BEND6: variants seen among roughly 807,000 people sequenced by gnomAD.
BEND6 encodes the protein BEN domain containing 6.
BEND6 carries 24 observed loss-of-function variants against 31.8 expected under a neutral mutation model. The ratio of observed to expected loss-of-function variants is 0.75; its 90% confidence interval spans 0.55 to 1.06. The LOEUF is 1.06. Among genes scored for constraint, BEND6 ranks in the 50% least tolerant of loss-of-function variants. The pLI is 0.00. For missense variants in BEND6, 294 were observed against 327.4 expected (o/e 0.90, Z 0.79); for synonymous variants, 109 against 114.6 (o/e 0.95, Z 0.31).
chr6:57,015,188 G>A lies in BEND6; in HGVS notation c.354G>A (p.Leu118=), dbSNP rs372231731. The change falls in exon 4 of 7, where the codon CTG becomes CTA. Residue 118 remains leucine (L), a synonymous_variant. Coordinates refer to ENST00000370746, the MANE Select transcript of BEND6 (RefSeq NM_152731.3). ...FEELVGMAEA[L]LKGGGTMSTS... ...AATTGGTTGGTATGGCCGAGGCTCT[G>A]CTTAAGGGTGGGGGAACCATGTCTA... The A allele has an allele frequency of 3.7e-6, 6 of 1,614,190 alleles. No homozygotes were observed. In the South Asian group the frequency reaches 6.6e-5, roughly 18 times the overall value.
intron 3 of BEND6, among the ~76,000 whole-genome samples, chr6:56,996,955 T>G (rs1826739429): frequency 6.6e-6 from 1 of 152,204 alleles, no homozygotes; most frequent in African/African-American, 2.4e-5. Flanking sequence ...GTTAATCAGT[T>G]CCTGTCCTCC....
intron 3 of BEND6, among the ~76,000 whole-genome samples, chr6:57,001,276 A>C (rs1357028662): frequency 1.3e-5 from 2 of 149,582 alleles, no homozygotes; most frequent in Admixed American, 6.7e-5. Context: ...TGATCCTTCC[A>C]CCTCACTCTC....
chr6:56,984,317 A>G (rs1332674202), intron 2 of BEND6, among the ~76,000 whole-genome samples: 2 of 152,170 alleles, frequency 1.3e-5, no homozygotes, highest in Non-Finnish European at 2.9e-5. Context: ...CTTGTAAGTT[A>G]TATGTTTATT....
intron 3 of BEND6, chr6:57,004,513 T>A (rs558997078): frequency 4.2e-6 from 3 of 712,978 alleles, no homozygotes; most frequent in East Asian, 2.7e-5. Context: ...TCCAGCTCCG[T>A]GTAGCCACCG....
chr6:56,961,524 A>G (rs1395646316), intron 1 of BEND6, among the ~76,000 whole-genome samples: 2 of 152,196 alleles, frequency 1.3e-5, no homozygotes, highest in East Asian at 1.9e-4. Context: ...TGTTATGGAA[A>G]GAAGGGATAA....
At chr6:56,987,922 A>G (rs921496851) in intron 2 of BEND6, among the ~76,000 whole-genome samples, 17 of 152,070 alleles carry the variant, frequency 1.1e-4, no homozygotes, top group African/African-American at 1.7e-4. Flanking sequence ...GTTACAACTT[A>G]TAAGCATATG....
chr6:56,993,691 C>A (rs190138623), intron 3 of BEND6, among the ~76,000 whole-genome samples: 16 of 152,274 alleles, frequency 1.1e-4, no homozygotes, highest in Non-Finnish European at 1.6e-4. Flanking sequence ...TTCTTCACTT[C>A]ATTTTTTTAT....
intron 6 of BEND6, among the ~76,000 whole-genome samples, chr6:57,024,203 A>G (rs569150445): frequency 4.7e-4 from 72 of 152,244 alleles, no homozygotes; most frequent in Non-Finnish European, 8.8e-5. Flanking sequence ...GTTTTGATAC[A>G]TTTGTCTTTT....
intron 1 of BEND6, among the ~76,000 whole-genome samples, chr6:56,961,480 G>C (rs964003884): frequency 4.6e-5 from 7 of 152,170 alleles, no homozygotes; most frequent in African/African-American, 1.2e-4. Flanking sequence ...AGAAAAGACT[G>C]TGTTAACAAT....
At chr6:56,965,088 C>T (rs1825421652) in intron 1 of BEND6, among the ~76,000 whole-genome samples, 1 of 152,162 alleles carries the variant, frequency 6.6e-6, no homozygotes, top group Non-Finnish European at 1.5e-5. Flanking sequence ...TTATTGATAG[C>T]ACTTTCACTC....
In BEND6 at chr6:56,995,055, A is replaced by G. The variant is rs1826653424; in HGVS notation, c.298+2500A>G. Among the ~76,000 whole-genome samples, 3 of 152,010 alleles carry G rather than the reference A, an allele frequency of 2.0e-5. No individual in the cohort carries two copies. The South Asian group carries it at 6.2e-4, about 32-fold the overall frequency. On this transcript the variant is annotated intron_variant, in intron 3 of 6. Coordinates refer to ENST00000370746, the MANE Select transcript of BEND6 (RefSeq NM_152731.3). ...CCTTTACTTCCTATTATTTATGAAT[A>G]ACCTATCCTTGTGAGTCTCAATCTC...
At chr6:57,022,854 A>T (rs1827793166) in intron 6 of BEND6, among the ~76,000 whole-genome samples, 2 of 152,142 alleles carry the variant, frequency 1.3e-5, no homozygotes, top group African/African-American at 4.8e-5. Context: ...TGTTTCAAGA[A>T]ATTTTATACT....
chr6:56,991,405 C>A (rs1033437108), intron 2 of BEND6, among the ~76,000 whole-genome samples: 3 of 151,464 alleles, frequency 2.0e-5, no homozygotes, highest in Non-Finnish European at 2.9e-5. Context: ...GACAGGGTAT[C>A]CCTCTGTCAC....
chr6:56,990,824 A>T (rs1318682444), intron 2 of BEND6, among the ~76,000 whole-genome samples: 2 of 152,178 alleles, frequency 1.3e-5, no homozygotes, highest in Non-Finnish European at 2.9e-5. Context: ...AAAATTAAGG[A>T]TCCTACAGGA....
At chr6:56,983,066 A>C (rs1406203216) in intron 2 of BEND6, among the ~76,000 whole-genome samples, 1 of 152,224 alleles carries the variant, frequency 6.6e-6, no homozygotes, top group Admixed American at 6.5e-5. Flanking sequence ...AATACAAACC[A>C]CACAACACTG....
chr6:56,988,177 C>T (rs34589109), intron 2 of BEND6, among the ~76,000 whole-genome samples: 30,977 of 151,576 alleles, frequency 0.2, 3,366 homozygotes, highest in Middle Eastern at 0.23. Context: ...CCATCAGGCC[C>T]GGCTAATTTT....
At chr6:56,965,443 G>A (rs895443926) in intron 1 of BEND6, among the ~76,000 whole-genome samples, 2 of 151,930 alleles carry the variant, frequency 1.3e-5, no homozygotes, top group East Asian at 3.8e-4. Context: ...CAGGCATGGT[G>A]GCTCATACCT....
intron 3 of BEND6, among the ~76,000 whole-genome samples, chr6:57,001,744 C>T (rs779742007): frequency 6.6e-6 from 1 of 152,178 alleles, no homozygotes; most frequent in Non-Finnish European, 1.5e-5. Context: ...TAAGGGAGTT[C>T]TAAACATGTA....
intron 1 of BEND6, among the ~76,000 whole-genome samples, chr6:56,972,447 G>A (rs7738415): frequency 0.024 from 3,614 of 152,134 alleles, 154 homozygotes; most frequent in African/African-American, 0.082. Flanking sequence ...TAATGATTTT[G>A]CAAGCCTAAA....
Sources: gnomAD v4.1 joint callset for allele counts (sites outside exome capture counted in the v4.1 genomes callset) on GRCh38, gnomAD v4.1.1 for gene constraint, MANE v1.5 for transcripts, NCBI Gene and HGNC (gene_info 2026-07-23, HGNC 2026-07-21) for gene names.